RBFOX1: variants seen among roughly 807,000 people sequenced by gnomAD.
The protein encoded by RBFOX1 is RNA binding protein fox-1 homolog 1.
A neutral mutation model predicts 57.7 loss-of-function variants in RBFOX1; 8 were observed. The observed-to-expected ratio is 0.14, with a 90% CI of 0.08 to 0.25. The LOEUF is 0.25. Ranked by LOEUF, RBFOX1 falls within the 10% of genes least tolerant of loss-of-function variation. RBFOX1 has a pLI of 1.00. For missense variants in RBFOX1, 611 were observed against 548.5 expected, an observed-to-expected ratio of 1.11 and a Z score of -1.14; for synonymous variants, 326 against 222.4, an observed-to-expected ratio of 1.47 and a Z score of -4.15.
intron 1 of RBFOX1, among the ~76,000 whole-genome samples, chr16:6,233,188 A>T (rs2097478702): frequency 6.6e-6 from 1 of 152,152 alleles, no homozygotes. Flanking sequence ...TTTGGAATTT[A>T]TTCTGAATTC....
In RBFOX1 at chr16:7,146,664, T is replaced by C. The variant is rs368993873; in HGVS notation, c.27+94566T>C. On this transcript the variant is annotated intron_variant, in intron 4 of 15. Coordinates refer to ENST00000550418, the MANE Select transcript of RBFOX1 (RefSeq NM_018723.4). ...CCAGCAGATAACGTAAAAATAACAA[T>C]GCGGCTGGGTGCAGTGGCTCATGCC... Among the ~76,000 whole-genome samples, 46 of 152,086 alleles carry C rather than the reference T, an allele frequency of 3.0e-4. No individual in the cohort carries two copies. The South Asian group carries it at 9.6e-3, about 32-fold the overall frequency.
At chr16:6,982,431 C>G (rs1395295998) in intron 3 of RBFOX1, among the ~76,000 whole-genome samples, 1 of 152,250 alleles carries the variant, frequency 6.6e-6, no homozygotes, top group African/African-American at 2.4e-5. Flanking sequence ...TCAGTCATGT[C>G]TACTTAAGTC....
At chr16:7,112,679 G>GTGTGTGTGTGT (rs369771164) in intron 4 of RBFOX1, among the ~76,000 whole-genome samples, 9,438 of 141,792 alleles carry the variant, frequency 0.067, 387 homozygotes, top group South Asian at 0.12. Context: ...TGTGTGTGTG[G>GTGTGTGTGTGT]GTGTGGGTGT....
intron 14 of RBFOX1, 31 bp from the exon 15 acceptor site, chr16:7,709,025 G>T (rs1393328667): frequency 6.4e-7 from 1 of 1,570,294 alleles, no homozygotes; most frequent in Non-Finnish European, 8.8e-7. Context: ...TGCATACTGT[G>T]GATCAATCTT....
intron 2 of RBFOX1, among the ~76,000 whole-genome samples, chr16:5,528,307 C>T (rs577236068): frequency 1.1e-3 from 171 of 152,124 alleles, no homozygotes; most frequent in Non-Finnish European, 2.0e-3. Flanking sequence ...TGGCCCCCAC[C>T]CTAGAGAGCG....
intron 4 of RBFOX1, among the ~76,000 whole-genome samples, chr16:5,995,458 A>G (rs1339700617): frequency 6.6e-6 from 1 of 152,162 alleles, no homozygotes; most frequent in Admixed American, 6.5e-5. Context: ...TTGAAGAGGA[A>G]TTTAGAGAGA....
chr16:6,984,973 G>C (rs561565570), intron 3 of RBFOX1, among the ~76,000 whole-genome samples: 2 of 152,228 alleles, frequency 1.3e-5, no homozygotes, highest in African/African-American at 4.8e-5. Flanking sequence ...TGTAAGGAAA[G>C]TGAAAAATCA....
chr16:6,769,646 T>A (rs149699245), intron 3 of RBFOX1, among the ~76,000 whole-genome samples: 2,193 of 152,344 alleles, frequency 0.014, 27 homozygotes, highest in Middle Eastern at 0.021. Flanking sequence ...GGCTCTAATG[T>A]ATAATACGAG....
At chr16:7,701,360 C>G (rs1352815628) in intron 14 of RBFOX1, among the ~76,000 whole-genome samples, 5 of 152,150 alleles carry the variant, frequency 3.3e-5, no homozygotes, top group Non-Finnish European at 5.9e-5. Context: ...CACTCACATT[C>G]CTGCCTGAGC....
intron 2 of RBFOX1, among the ~76,000 whole-genome samples, chr16:6,615,021 C>T (rs1186564994): frequency 6.6e-6 from 1 of 152,122 alleles, no homozygotes; most frequent in African/African-American, 2.4e-5. Flanking sequence ...GAGAAATAAC[C>T]ATTGTGATGC....
At chr16:7,337,958 C>G (rs2096824673) in intron 4 of RBFOX1, among the ~76,000 whole-genome samples, 1 of 152,246 alleles carries the variant, frequency 6.6e-6, no homozygotes, top group African/African-American at 2.4e-5. Context: ...ACTGGGATTA[C>G]AGGCATGAGC....
At chr16:6,695,860 A>G (rs1188635363) in intron 3 of RBFOX1, among the ~76,000 whole-genome samples, 1 of 152,226 alleles carries the variant, frequency 6.6e-6, no homozygotes, top group Non-Finnish European at 1.5e-5. Flanking sequence ...CAGGTGGCTC[A>G]GGATGAACAT....
chr16:7,675,854 G>A (rs2073118595), intron 13 of RBFOX1, among the ~76,000 whole-genome samples: 2 of 152,138 alleles, frequency 1.3e-5, no homozygotes, highest in Non-Finnish European at 2.9e-5. Context: ...AGCGGACACT[G>A]GATCCTGTTT....
chr16:5,424,524 T>C (rs1403178508), intron 1 of RBFOX1, among the ~76,000 whole-genome samples: 3 of 122,386 alleles, frequency 2.5e-5, no homozygotes, highest in Non-Finnish European at 5.5e-5. Context: ...GGGTGGCGTT[T>C]TACTTTTTTT....
chr16:6,729,037 A>T (rs1261510176), intron 3 of RBFOX1, among the ~76,000 whole-genome samples: 1 of 152,156 alleles, frequency 6.6e-6, no homozygotes, highest in Non-Finnish European at 1.5e-5. Flanking sequence ...AACTTTAAAT[A>T]ATTCATTTGA....
intron 3 of RBFOX1, among the ~76,000 whole-genome samples, chr16:5,717,036 G>A (rs1009640605): frequency 3.9e-5 from 6 of 152,108 alleles, no homozygotes; most frequent in Non-Finnish European, 7.3e-5. Context: ...TAACTCCAGT[G>A]ATTTCCCCTG....
At chr16:6,434,442 C>T (rs1455125603) in intron 2 of RBFOX1, among the ~76,000 whole-genome samples, 1 of 152,152 alleles carries the variant, frequency 6.6e-6, no homozygotes, top group Non-Finnish European at 1.5e-5. Context: ...CACAGTTTTT[C>T]CCCCGTGCCT....
chr16:5,395,934 C>T (rs141360255), intron 1 of RBFOX1, among the ~76,000 whole-genome samples: 5 of 152,164 alleles, frequency 3.3e-5, no homozygotes, highest in African/African-American at 9.7e-5. Flanking sequence ...TGCTGACAAC[C>T]CTCGGGAGCT....
At chr16:6,965,919 T>G (rs2084037075) in intron 3 of RBFOX1, among the ~76,000 whole-genome samples, 1 of 152,076 alleles carries the variant, frequency 6.6e-6, no homozygotes, top group African/African-American at 2.4e-5. Context: ...AGTAGCAGAG[T>G]TGGCATTTAG....
Sources: allele counts gnomAD v4.1 joint callset (sites outside exome capture counted in the v4.1 genomes callset), GRCh38; gene constraint gnomAD v4.1.1; transcripts MANE v1.5; gene names NCBI Gene and HGNC (gene_info 2026-07-23, HGNC 2026-07-21).